KCNIP4: variants seen among roughly 807,000 people sequenced by gnomAD.
The protein encoded by KCNIP4 is potassium voltage-gated channel interacting protein 4.
A neutral mutation model predicts 34.0 loss-of-function variants in KCNIP4; 12 were observed. The ratio of observed to expected loss-of-function variants is 0.35; its 90% CI spans 0.23 to 0.57. KCNIP4 has a LOEUF of 0.57. KCNIP4 is among the 20% of genes least tolerant of loss of function. The pLI, the probability that KCNIP4 is intolerant of heterozygous loss-of-function variation, is 0.83. For synonymous variants in KCNIP4, 124 were observed against 102.2 expected, an observed-to-expected ratio of 1.21 and a Z score of -1.29; for missense variants, 238 against 311.7, an observed-to-expected ratio of 0.76 and a Z score of 1.78.
chr4:21,901,635 C>G (rs950518019), intron 1 of KCNIP4, among the ~76,000 whole-genome samples: 1 of 152,050 alleles, frequency 6.6e-6, no homozygotes, highest in Non-Finnish European at 1.5e-5. Flanking sequence ...CAAAAATGAA[C>G]AAATTACTTT....
chr4:21,623,741 T>C (rs1442622455), intron 1 of KCNIP4, among the ~76,000 whole-genome samples: 1 of 152,068 alleles, frequency 6.6e-6, no homozygotes, highest in Non-Finnish European at 1.5e-5. Flanking sequence ...ACCTGGGAGT[T>C]CTGGCACTTA....
At chr4:21,192,565 A>G (rs937547494) in intron 1 of KCNIP4, among the ~76,000 whole-genome samples, 1 of 152,162 alleles carries the variant, frequency 6.6e-6, no homozygotes, top group South Asian at 2.1e-4. Context: ...ATTCAGCCGT[A>G]TAATGTCAGG....
chr4:21,086,160 C>T (rs1382313853), intron 1 of KCNIP4, among the ~76,000 whole-genome samples: 1 of 152,054 alleles, frequency 6.6e-6, no homozygotes, highest in Non-Finnish European at 1.5e-5. Context: ...TTCATCCTAC[C>T]ACCCCTGGAG....
At chr4:21,131,012 A>G (rs759958283) in intron 1 of KCNIP4, among the ~76,000 whole-genome samples, 3 of 152,200 alleles carry the variant, frequency 2.0e-5, no homozygotes, top group Admixed American at 6.5e-5. Flanking sequence ...ATAACCCCCA[A>G]AAGGCCATAA....
At chr4:21,488,247 T>C (rs750602304) in intron 1 of KCNIP4, among the ~76,000 whole-genome samples, 1 of 152,118 alleles carries the variant, frequency 6.6e-6, no homozygotes, top group Non-Finnish European at 1.5e-5. Context: ...TCCCTTTGCT[T>C]ATCCATAACC....
chr4:21,623,298 T>C (rs1250984702), intron 1 of KCNIP4, among the ~76,000 whole-genome samples: 1 of 152,222 alleles, frequency 6.6e-6, no homozygotes, highest in Non-Finnish European at 1.5e-5. Context: ...ACTGGTATCA[T>C]GCTACTTGCT....
intron 1 of KCNIP4, among the ~76,000 whole-genome samples, chr4:21,408,887 G>T (rs1724233009): frequency 6.6e-6 from 1 of 152,042 alleles, no homozygotes; most frequent in African/African-American, 2.4e-5. Context: ...GTAAAGGTTA[G>T]TTCACAAACC....
At chr4:21,101,348 ATTTC>A (rs1380457005) in intron 1 of KCNIP4, among the ~76,000 whole-genome samples, 2 of 151,964 alleles carry the variant, frequency 1.3e-5, no homozygotes, top group Non-Finnish European at 2.9e-5. Context: ...TATATATATC[ATTTC>A]TTTATATATA....
chr4:21,226,354 A>AGAAGGAAGAGAAGGAAGGAAG (rs1758399067), intron 1 of KCNIP4, among the ~76,000 whole-genome samples: 1 of 135,834 alleles, frequency 7.4e-6, no homozygotes, highest in Non-Finnish European at 1.5e-5. Flanking sequence ...GAGAAGGAAG[A>AGAAGGAAGAGAAGGAAGGAAG]GAAGGAAGGA....
chr4:21,058,308 A>C (rs1410578168), intron 1 of KCNIP4, among the ~76,000 whole-genome samples: 1 of 152,170 alleles, frequency 6.6e-6, no homozygotes, highest in Non-Finnish European at 1.5e-5. Context: ...AGAAGGACAT[A>C]TATCATCATT....
intron 1 of KCNIP4, among the ~76,000 whole-genome samples, chr4:21,864,074 T>G (rs1302387540): frequency 8.5e-5 from 13 of 152,236 alleles, no homozygotes; most frequent in African/African-American, 2.9e-4. Flanking sequence ...CTTTGTTACA[T>G]GACTAGCATC....
intron 1 of KCNIP4, among the ~76,000 whole-genome samples, chr4:21,571,272 C>T (rs999687279): frequency 1.4e-4 from 21 of 152,096 alleles, no homozygotes; most frequent in African/African-American, 5.1e-4. Flanking sequence ...AAGAGTCTAC[C>T]AGGAGTGGAC....
chr4:21,123,916 C>G (rs1560743389), intron 1 of KCNIP4, among the ~76,000 whole-genome samples: 1 of 152,092 alleles, frequency 6.6e-6, no homozygotes, highest in Non-Finnish European at 1.5e-5. Flanking sequence ...ACCCTGTGCT[C>G]AGACTTCCAG....
chr4:21,700,862 C>T (rs1333522891), intron 1 of KCNIP4, among the ~76,000 whole-genome samples: 1 of 151,972 alleles, frequency 6.6e-6, no homozygotes. Flanking sequence ...CTGTCCTCTC[C>T]CCATGGTGTG....
intron 1 of KCNIP4, among the ~76,000 whole-genome samples, chr4:21,025,515 A>AGAGAGAGAGAGAGAG (rs1740449901): frequency 1.7e-5 from 2 of 115,248 alleles, no homozygotes; most frequent in South Asian, 3.2e-4. Context: ...AGAGAGAGAG[A>AGAGAGAGAGAGAGAG]ACTGCAAAAA....
At chr4:21,130,490 T>G (rs1243419559) in intron 1 of KCNIP4, among the ~76,000 whole-genome samples, 1 of 152,232 alleles carries the variant, frequency 6.6e-6, no homozygotes. Context: ...TTTAAAAATT[T>G]CTCTGTGCTT....
At chr4:21,155,216 G>A (rs181391146) in intron 1 of KCNIP4, among the ~76,000 whole-genome samples, 5 of 152,186 alleles carry the variant, frequency 3.3e-5, no homozygotes, top group Non-Finnish European at 7.4e-5. Context: ...CTTTATGAGA[G>A]AGAAATTAAT....
chr4:21,072,716 T>C (rs1174548652), intron 1 of KCNIP4, among the ~76,000 whole-genome samples: 2 of 152,106 alleles, frequency 1.3e-5, no homozygotes, highest in East Asian at 3.9e-4. Flanking sequence ...ATGAAGTCCT[T>C]GCCCATGCCT....
chr4:21,946,075 A>G (rs563163963), intron 1 of KCNIP4, among the ~76,000 whole-genome samples: 8 of 151,046 alleles, frequency 5.3e-5, no homozygotes, highest in African/African-American at 1.5e-4. Flanking sequence ...AAATTATTAT[A>G]AAGTTTCAGA....
Sources: gnomAD v4.1 joint callset for allele counts (sites outside exome capture counted in the v4.1 genomes callset) on GRCh38, gnomAD v4.1.1 for gene constraint, MANE v1.5 for transcripts, NCBI Gene and HGNC (gene_info 2026-07-23, HGNC 2026-07-21) for gene names.